SLC35F1: variants seen among roughly 807,000 people sequenced by gnomAD.
SLC35F1 encodes the protein solute carrier family 35 member F1.
Under a neutral mutation model 48.7 loss-of-function variants are expected in SLC35F1, and 14 were observed. The ratio of observed to expected loss-of-function variants is 0.29; its 90% CI spans 0.19 to 0.45. The LOEUF (loss-of-function observed/expected upper bound fraction) is 0.45, where lower values mean the gene tolerates loss of function less well. Among genes scored for constraint, SLC35F1 ranks in the 20% least tolerant of loss-of-function variants. The pLI is 1.00. For synonymous variants in SLC35F1, 190 were observed against 202.2 expected (o/e 0.94, Z 0.51); for missense variants, 404 against 500.0 (o/e 0.81, Z 1.83).
chr6:118,217,575 A>G (rs1437756313), intron 2 of SLC35F1, among the ~76,000 whole-genome samples: 2 of 152,174 alleles, frequency 1.3e-5, no homozygotes, highest in African/African-American at 4.8e-5. Context: ...ATGCGAATTT[A>G]CTTAATGTCC....
intron 1 of SLC35F1, among the ~76,000 whole-genome samples, chr6:117,912,136 CT>C (rs1421295840): frequency 2.0e-5 from 3 of 152,162 alleles, no homozygotes; most frequent in Non-Finnish European, 4.4e-5. Context: ...GGGTTTCTGC[CT>C]CTTTGAGTCT....
intron 1 of SLC35F1, chr6:117,998,860 A>G: frequency 1.7e-6 from 1 of 600,802 alleles, no homozygotes; most frequent in Non-Finnish European, 3.0e-6. Flanking sequence ...ATCACAATTA[A>G]AAGAACTAGA....
At position 117,999,578 on chromosome 6, in the gene SLC35F1, A is replaced by G. The variant is rs558562421; in HGVS notation, c.173+91679A>G. On this transcript the variant is annotated intron_variant, in intron 1 of 7. Coordinates refer to ENST00000360388, the MANE Select transcript of SLC35F1 (RefSeq NM_001029858.4). ...ATAAACCTGAGGCAGGAAAAAAAAA[A>G]AAAAGAAATACCTAAAATCAGAGCA... 2.4e-3 allele frequency: 1,566 copies of G among 661,906 alleles called. 22 individuals are homozygous for G. The African/African-American group carries it at 0.025, about 11-fold the overall frequency. 41.0% of individuals were successfully genotyped at this position (661,906 alleles called of 1,614,324 possible).
intron 1 of SLC35F1, among the ~76,000 whole-genome samples, chr6:117,913,294 A>G (rs1775785805): frequency 6.6e-6 from 1 of 152,238 alleles, no homozygotes; most frequent in Non-Finnish European, 1.5e-5. Context: ...TAACATGAAC[A>G]TATACAGGTC....
intron 7 of SLC35F1, among the ~76,000 whole-genome samples, chr6:118,290,798 A>ATT (rs67467513): frequency 0.16 from 22,290 of 142,256 alleles, 2,261 homozygotes; most frequent in African/African-American, 0.28. Context: ...AAAATCGACT[A>ATT]TTTTTTTTTT....
intron 1 of SLC35F1, among the ~76,000 whole-genome samples, chr6:118,017,656 C>T (rs1434411025): frequency 6.6e-6 from 1 of 152,130 alleles, no homozygotes; most frequent in East Asian, 1.9e-4. Flanking sequence ...AAAATAGCTC[C>T]AGCGTATTAT....
chr6:118,171,142 T>A (rs1207246590), intron 2 of SLC35F1, among the ~76,000 whole-genome samples: 1 of 151,718 alleles, frequency 6.6e-6, no homozygotes, highest in Non-Finnish European at 1.5e-5. Context: ...GCTCAATAGA[T>A]CCTCCTACCT....
chr6:117,982,652 CTGCT>C (rs1562254872), intron 1 of SLC35F1, among the ~76,000 whole-genome samples: 2 of 152,148 alleles, frequency 1.3e-5, no homozygotes, highest in African/African-American at 4.8e-5. Context: ...AGACTCCACT[CTGCT>C]TGGAAAGTGC....
At chr6:117,989,412 C>T (rs902895121) in intron 1 of SLC35F1, among the ~76,000 whole-genome samples, 1 of 152,294 alleles carries the variant, frequency 6.6e-6, no homozygotes, top group East Asian at 1.9e-4. Context: ...GATTCTTCTG[C>T]ATGTGAAGTG....
chr6:118,027,652 G>A (rs973515091), intron 1 of SLC35F1, among the ~76,000 whole-genome samples: 3 of 151,934 alleles, frequency 2.0e-5, no homozygotes, highest in Non-Finnish European at 4.4e-5. Flanking sequence ...AGTTTGGATG[G>A]TTTATCTTCT....
intron 2 of SLC35F1, among the ~76,000 whole-genome samples, chr6:118,157,641 G>A (rs979617528): frequency 7.9e-5 from 12 of 152,152 alleles, no homozygotes; most frequent in African/African-American, 2.9e-4. Context: ...GAATCCAAAA[G>A]CTGAAGAACT....
At chr6:117,918,029 A>G (rs1346589878) in intron 1 of SLC35F1, among the ~76,000 whole-genome samples, 2 of 152,148 alleles carry the variant, frequency 1.3e-5, no homozygotes, top group African/African-American at 4.8e-5. Context: ...GTAATTGAGG[A>G]AAGGACAGAT....
At chr6:118,288,659 G>A (rs1279535057) in intron 7 of SLC35F1, among the ~76,000 whole-genome samples, 1 of 152,162 alleles carries the variant, frequency 6.6e-6, no homozygotes, top group African/African-American at 2.4e-5. Flanking sequence ...ATTAATGCCA[G>A]TTGGCTCTTC....
intron 1 of SLC35F1, among the ~76,000 whole-genome samples, chr6:118,132,831 GCC>G (rs1369001991): frequency 6.6e-6 from 1 of 152,122 alleles, no homozygotes; most frequent in Non-Finnish European, 1.5e-5. Flanking sequence ...ATTTAGTCTT[GCC>G]CTACTCATTT....
intron 1 of SLC35F1, among the ~76,000 whole-genome samples, chr6:118,152,210 A>G (rs1774070576): frequency 6.6e-6 from 1 of 152,190 alleles, no homozygotes; most frequent in South Asian, 2.1e-4. Context: ...TGGAAATAAT[A>G]ACTTATACAA....
At chr6:118,254,425 G>A (rs2114607033) in intron 3 of SLC35F1, among the ~76,000 whole-genome samples, 1 of 152,210 alleles carries the variant, frequency 6.6e-6, no homozygotes, top group East Asian at 1.9e-4. Context: ...GGGACTATAG[G>A]TGTGTGCCAC....
intron 7 of SLC35F1, among the ~76,000 whole-genome samples, chr6:118,307,172 G>A (rs911961787): frequency 2.0e-5 from 3 of 152,180 alleles, no homozygotes; most frequent in South Asian, 2.1e-4. Flanking sequence ...TTTCTGATAC[G>A]AATACAGAAT....
rs1029039574 is a variant in SLC35F1, at chr6:118,314,292, C to T, written c.*40C>T. On this transcript the variant is annotated 3_prime_UTR_variant, in exon 8 of 8. Coordinates refer to ENST00000360388, the MANE Select transcript of SLC35F1 (RefSeq NM_001029858.4). ...TGCCAACTGAGGCCAACTCATTGGC[C>T]ATGTTTTTGCCCATCATCTCTGTAT... 1.3e-6 allele frequency: 2 copies of T among 1,571,714 alleles called. No individual in the cohort carries two copies. The highest frequency in any genetic ancestry group is 1.7e-5 in the Admixed American group (1 of 59,366).
intron 7 of SLC35F1, among the ~76,000 whole-genome samples, chr6:118,308,504 A>G (rs1427447966): frequency 2.0e-5 from 3 of 152,200 alleles, no homozygotes; most frequent in South Asian, 2.1e-4. Context: ...AGAATGGCCA[A>G]TCACTGCCAG....
Sources: allele counts gnomAD v4.1 joint callset (sites outside exome capture counted in the v4.1 genomes callset), GRCh38; gene constraint gnomAD v4.1.1; transcripts MANE v1.5; gene names NCBI Gene and HGNC (gene_info 2026-07-23, HGNC 2026-07-21).